LTBP1: variants seen among roughly 807,000 people sequenced by gnomAD.
The protein encoded by LTBP1 is latent-transforming growth factor beta-binding protein 1.
A neutral mutation model predicts 207.6 loss-of-function variants in LTBP1; 129 were observed. That is an observed-to-expected ratio of 0.62 (90% CI 0.54 to 0.72). The LOEUF (loss-of-function observed/expected upper bound fraction) is 0.72. LTBP1 is among the 30% of genes least tolerant of loss of function. LTBP1 has a pLI of 0.00. For synonymous variants in LTBP1, 963 were observed against 833.7 expected, an observed-to-expected ratio of 1.16 and a Z score of -2.67; for missense variants, 2,281 against 2,217.2, an observed-to-expected ratio of 1.03 and a Z score of -0.58.
intron 9 of LTBP1, among the ~76,000 whole-genome samples, chr2:33,228,718 T>TTTTTTTTTTTTTTTTTTTTTTGTTTG (rs2091606425): frequency 7.0e-6 from 1 of 142,940 alleles, no homozygotes; most frequent in African/African-American, 2.7e-5. Flanking sequence ...TTTTTTTTTT[T>TTTTTTTTTTTTTTTTTTTTTTGTTTG]GAGATGGAGT....
chr2:33,184,088 TC>T (rs936997881), intron 5 of LTBP1, among the ~76,000 whole-genome samples: 1 of 152,170 alleles, frequency 6.6e-6, no homozygotes, highest in Non-Finnish European at 1.5e-5. Context: ...TTCTTTCAGT[TC>T]CTGTTGCCAT....
intron 2 of LTBP1, among the ~76,000 whole-genome samples, chr2:32,952,704 T>A (rs1263009933): frequency 6.6e-6 from 1 of 152,178 alleles, no homozygotes; most frequent in African/African-American, 2.4e-5. Flanking sequence ...TCTGCCAGTC[T>A]TTTTGCCCCC....
chr2:33,126,245 A>G (rs1305902942), intron 4 of LTBP1, among the ~76,000 whole-genome samples: 1 of 151,922 alleles, frequency 6.6e-6, no homozygotes, highest in Non-Finnish European at 1.5e-5. Flanking sequence ...TTATTTATTT[A>G]TTTTTTAGAA....
At chr2:33,283,250 C>T (rs550072510) in intron 19 of LTBP1, among the ~76,000 whole-genome samples, 4 of 151,682 alleles carry the variant, frequency 2.6e-5, no homozygotes, top group African/African-American at 9.7e-5. Context: ...TTTAGAGATC[C>T]CTTGGTGGTC....
intron 9 of LTBP1, among the ~76,000 whole-genome samples, chr2:33,237,662 T>G (rs1279330594): frequency 6.6e-6 from 1 of 152,232 alleles, no homozygotes; most frequent in Non-Finnish European, 1.5e-5. Context: ...GATCTTCTTA[T>G]GAAAGAAATC....
chr2:33,038,018 C>T (rs924394360), intron 3 of LTBP1, among the ~76,000 whole-genome samples: 1 of 152,234 alleles, frequency 6.6e-6, no homozygotes, highest in Non-Finnish European at 1.5e-5. Context: ...CCGCACCTAG[C>T]CAAGATCCTG....
intron 27 of LTBP1, 32 bp from the exon 28 acceptor site, chr2:33,361,397 C>CTT (rs11442294): frequency 0.048 from 48,689 of 1,017,464 alleles, 207 homozygotes; most frequent in African/African-American, 0.078. Context: ...GATGTTGAAT[C>CTT]TTTTTTTTTT....
At chr2:33,060,518 G>A (rs187122458) in intron 3 of LTBP1, among the ~76,000 whole-genome samples, 3 of 151,608 alleles carry the variant, frequency 2.0e-5, no homozygotes, top group African/African-American at 4.9e-5. Flanking sequence ...ATCTTGGGGG[G>A]TGTGTGTGTA....
chr2:33,252,651 T>A (rs548732721), intron 10 of LTBP1, 26 bp from the exon 11 acceptor site: 1 of 1,585,892 alleles, frequency 6.3e-7, no homozygotes. Flanking sequence ...TCTCATGTAA[T>A]GTCGGGCTTT....
intron 5 of LTBP1, among the ~76,000 whole-genome samples, chr2:33,162,192 GT>G (rs1406428678): frequency 2.0e-5 from 3 of 152,140 alleles, no homozygotes; most frequent in African/African-American, 4.8e-5. Context: ...AAAGGGTGAA[GT>G]TTTTAAAATT....
In LTBP1 at chr2:33,073,787, C is replaced by T. The variant is rs113037388; in HGVS notation, c.864-36795C>T. 6.8e-3 allele frequency among the ~76,000 whole-genome samples: 1,032 copies of T among 152,088 alleles called. 16 individuals carry two copies. The highest frequency in any genetic ancestry group is 0.023 in the African/African-American group (964 of 41,496). ...GATTACAGGTGCCTGTCACCATGCC[C>T]GGCTAATTTTTGTATTTTTAGTAGA... On this transcript the variant is annotated intron_variant, in intron 3 of 33. Coordinates refer to ENST00000404816, the MANE Select transcript of LTBP1 (RefSeq NM_206943.4).
At chr2:33,339,310 G>A (rs905955058) in intron 24 of LTBP1, among the ~76,000 whole-genome samples, 1 of 152,088 alleles carries the variant, frequency 6.6e-6, no homozygotes, top group Non-Finnish European at 1.5e-5. Context: ...AAAGGACAGA[G>A]GTAAATTTTT....
chr2:33,067,290 A>G (rs767905723), intron 3 of LTBP1, among the ~76,000 whole-genome samples: 7 of 152,268 alleles, frequency 4.6e-5, no homozygotes, highest in African/African-American at 7.2e-5. Flanking sequence ...ACATAAAACT[A>G]TAAGGCAAAA....
intron 3 of LTBP1, among the ~76,000 whole-genome samples, chr2:33,100,911 C>A (rs1292198569): frequency 6.6e-6 from 1 of 152,210 alleles, no homozygotes; most frequent in African/African-American, 2.4e-5. Context: ...TATTCCATTG[C>A]ATGGACAAAC....
chr2:33,395,790 A>T (rs992203258), intron 32 of LTBP1, among the ~76,000 whole-genome samples: 1 of 151,894 alleles, frequency 6.6e-6, no homozygotes, highest in Non-Finnish European at 1.5e-5. Context: ...TCCTTGTCCA[A>T]TTCCTCCAAG....
intron 23 of LTBP1, among the ~76,000 whole-genome samples, chr2:33,311,516 A>G (rs952084515): frequency 2.1e-5 from 3 of 145,982 alleles, no homozygotes; most frequent in Non-Finnish European, 4.5e-5. Flanking sequence ...CTTGATTTAT[A>G]TAAAAATACC....
At chr2:33,199,953 C>A (rs1424118071) in intron 7 of LTBP1, among the ~76,000 whole-genome samples, 1 of 152,086 alleles carries the variant, frequency 6.6e-6, no homozygotes, top group African/African-American at 2.4e-5. Flanking sequence ...GAACTACAAA[C>A]CACTGCTCAA....
At chr2:33,141,460 T>C (rs562364483) in intron 5 of LTBP1, among the ~76,000 whole-genome samples, 2 of 152,328 alleles carry the variant, frequency 1.3e-5, no homozygotes, top group South Asian at 4.1e-4. Flanking sequence ...TAAAAACACA[T>C]TTTAAAAATA....
intron 5 of LTBP1, among the ~76,000 whole-genome samples, chr2:33,149,944 C>T (rs1457271916): frequency 6.6e-6 from 1 of 152,004 alleles, no homozygotes; most frequent in Non-Finnish European, 1.5e-5. Flanking sequence ...TATTTCTAAC[C>T]CAAACATCTT....
Sources: allele counts gnomAD v4.1 joint callset (sites outside exome capture counted in the v4.1 genomes callset), GRCh38; gene constraint gnomAD v4.1.1; transcripts MANE v1.5; gene names NCBI Gene and HGNC (gene_info 2026-07-23, HGNC 2026-07-21).